PRMT3: variants seen among roughly 807,000 people sequenced by gnomAD.
The protein encoded by PRMT3 is protein arginine methyltransferase 3.
A neutral mutation model predicts 71.9 loss-of-function variants in PRMT3; 62 were observed. The observed-to-expected ratio is 0.86, with a 90% confidence interval of 0.70 to 1.07. The LOEUF (loss-of-function observed/expected upper bound fraction) is 1.07, where lower values mean the gene tolerates loss of function less well. PRMT3 is among the 50% of genes least tolerant of loss of function. PRMT3 has a pLI of 0.00. For missense variants in PRMT3, 663 were observed against 643.0 expected (o/e 1.03, Z -0.34); for synonymous variants, 213 against 220.4 (o/e 0.97, Z 0.30).
At chr11:20,489,164 C>A (rs1276926908) in intron 13 of PRMT3, among the ~76,000 whole-genome samples, 1 of 151,602 alleles carries the variant, frequency 6.6e-6, no homozygotes, top group Non-Finnish European at 1.5e-5. Flanking sequence ...ACTTACCACT[C>A]ATTCTCCCTT....
chr11:20,505,087 G>A (rs996425485), intron 15 of PRMT3, among the ~76,000 whole-genome samples: 1 of 152,114 alleles, frequency 6.6e-6, no homozygotes, highest in African/African-American at 2.4e-5. Flanking sequence ...TTCATTGCTA[G>A]TACGTAGAAA....
intron 9 of PRMT3, among the ~76,000 whole-genome samples, chr11:20,424,215 G>A (rs1454081865): frequency 2.7e-5 from 4 of 150,876 alleles, no homozygotes; most frequent in African/African-American, 7.3e-5. Flanking sequence ...ATATGGGAGT[G>A]CAAATGATCA....
At chr11:20,433,052 C>CT (rs940066136) in intron 10 of PRMT3, among the ~76,000 whole-genome samples, 26 of 150,702 alleles carry the variant, frequency 1.7e-4, no homozygotes, top group Admixed American at 9.3e-4. Flanking sequence ...TTTTTAGTGG[C>CT]TTTTTTTTTC....
At chr11:20,452,508 A>G (rs758602609) in intron 11 of PRMT3, among the ~76,000 whole-genome samples, 21 of 152,156 alleles carry the variant, frequency 1.4e-4, no homozygotes, top group Non-Finnish European at 2.9e-5. Flanking sequence ...CAAATCTAAC[A>G]AACTCCTTTT....
chr11:20,395,677 G>C, intron 5 of PRMT3, 126 bp from the exon 6 acceptor site: 1 of 900,446 alleles, frequency 1.1e-6, no homozygotes, highest in Non-Finnish European at 1.6e-6. Context: ...TCAATTAAAA[G>C]TACTTTCACT....
chr11:20,462,968 C>T (rs1322492146), intron 12 of PRMT3, among the ~76,000 whole-genome samples: 1 of 152,018 alleles, frequency 6.6e-6, no homozygotes, highest in African/African-American at 2.4e-5. Flanking sequence ...CGTGTTCAAG[C>T]GATTCCCCTG....
intron 11 of PRMT3, among the ~76,000 whole-genome samples, chr11:20,458,413 G>T (rs1175650573): frequency 6.6e-6 from 1 of 152,166 alleles, no homozygotes; most frequent in African/African-American, 2.4e-5. Flanking sequence ...AGTGACAAAT[G>T]AATTCTGGGC....
intron 9 of PRMT3, among the ~76,000 whole-genome samples, chr11:20,412,060 T>C (rs966063916): frequency 2.6e-4 from 39 of 152,180 alleles, no homozygotes; most frequent in African/African-American, 8.9e-4. Context: ...AGCAGACTTA[T>C]TATTATCTCA....
intron 10 of PRMT3, among the ~76,000 whole-genome samples, chr11:20,434,442 T>A (rs1849720742): frequency 6.6e-6 from 1 of 152,220 alleles, no homozygotes; most frequent in Non-Finnish European, 1.5e-5. Flanking sequence ...TGTCATGAAA[T>A]CTTTGCCTGT....
chr11:20,444,559 A>T (rs1464923867), intron 10 of PRMT3, among the ~76,000 whole-genome samples: 1 of 152,166 alleles, frequency 6.6e-6, no homozygotes, highest in Non-Finnish European at 1.5e-5. Flanking sequence ...AAGAAATTTT[A>T]AAAATGTCTT....
At chr11:20,428,300 T>A (rs1421889106) in intron 10 of PRMT3, among the ~76,000 whole-genome samples, 1 of 152,234 alleles carries the variant, frequency 6.6e-6, no homozygotes, top group Non-Finnish European at 1.5e-5. Context: ...TAGTTTATGC[T>A]GTATATTTTA....
At chr11:20,395,177 A>G (rs761995422) in intron 5 of PRMT3, among the ~76,000 whole-genome samples, 1 of 152,138 alleles carries the variant, frequency 6.6e-6, no homozygotes, top group Non-Finnish European at 1.5e-5. Context: ...ATCAATAAAT[A>G]TTAGGTTTTT....
Position 20,472,432 on chromosome 11 carries a change from T to C in PRMT3, c.1347+7886T>C, listed in dbSNP as rs1182293811. On this transcript the variant is annotated intron_variant, in intron 13 of 15. Transcript: ENST00000331079. Reference sequence around the variant, plus strand: ...GGGATGTTGAATTTTACTGAAGGCCTTTTCTGCATCTATTGAGATAATTGT... The same window carrying C: ...GGGATGTTGAATTTTACTGAAGGCCCTTTCTGCATCTATTGAGATAATTGT... 5.9e-5 allele frequency among the ~76,000 whole-genome samples: 9 copies of C among 152,220 alleles called. 1 individual carries two copies. Among genetic ancestry groups the C allele is most frequent in the Admixed American group, 5.9e-4 (9 of 15,280 alleles).
Position 20,464,456 on chromosome 11 carries a change from G to T in PRMT3, c.1261-4G>T. The T allele has an allele frequency of 6.2e-7, 1 of 1,601,492 alleles. No homozygotes were observed. On this transcript the variant is annotated splice_region_variant and splice_polypyrimidine_tract_variant and intron_variant, in intron 12 of 15. Transcript: ENST00000331079. ...CTCTTTCTTCACTTCTTTTTAATGGGTAGCATATAGATTGCCATACGACGT... is the reference window on the plus strand; with the variant it reads ...CTCTTTCTTCACTTCTTTTTAATGGTTAGCATATAGATTGCCATACGACGT...
intron 9 of PRMT3, among the ~76,000 whole-genome samples, chr11:20,416,768 G>C (rs185774550): frequency 3.0e-4 from 46 of 152,268 alleles, no homozygotes; most frequent in African/African-American, 1.1e-3. Context: ...GGAGGGAGCA[G>C]CTCATAGAAT....
chr11:20,469,027 G>C (rs1043482126), intron 13 of PRMT3, among the ~76,000 whole-genome samples: 2 of 152,138 alleles, frequency 1.3e-5, no homozygotes, highest in African/African-American at 4.8e-5. Flanking sequence ...ATGATTGAAG[G>C]ATAATTTTTC....
intron 15 of PRMT3, among the ~76,000 whole-genome samples, chr11:20,497,110 T>C (rs1474342482): frequency 6.6e-6 from 1 of 152,214 alleles, no homozygotes; most frequent in Non-Finnish European, 1.5e-5. Context: ...GCAGTACTAG[T>C]TCATGTTTTA....
intron 3 of PRMT3, among the ~76,000 whole-genome samples, chr11:20,391,821 T>G (rs1848722316): frequency 6.6e-6 from 1 of 152,196 alleles, no homozygotes; most frequent in Admixed American, 6.5e-5. Flanking sequence ...CACCATGTCC[T>G]GGCAAAATTA....
At chr11:20,417,463 T>C (rs1473689145) in intron 9 of PRMT3, among the ~76,000 whole-genome samples, 1 of 152,214 alleles carries the variant, frequency 6.6e-6, no homozygotes, top group Non-Finnish European at 1.5e-5. Flanking sequence ...GTGTTCATTG[T>C]ATGAACTCAC....
Sources: allele counts gnomAD v4.1 joint callset (sites outside exome capture counted in the v4.1 genomes callset), GRCh38; gene constraint gnomAD v4.1.1; transcripts MANE v1.5; gene names NCBI Gene and HGNC (gene_info 2026-07-23, HGNC 2026-07-21).